The following ZNF385D variants were observed in gnomAD, a reference collection of about 807,000 sequenced individuals.
ZNF385D encodes the protein zinc finger protein 385D.
ZNF385D carries 15 observed loss-of-function variants against 35.8 expected under a neutral mutation model. The ratio of observed to expected loss-of-function variants is 0.42; its 90% CI spans 0.28 to 0.64. ZNF385D has a LOEUF of 0.64. ZNF385D is among the 30% of genes least tolerant of loss of function. The probability of loss-of-function intolerance (pLI) is 0.23; values close to 1 mark genes in which losing one functional copy is unlikely to be tolerated. For missense variants in ZNF385D, 474 were observed against 494.6 expected (o/e 0.96, Z 0.39); for synonymous variants, 212 against 186.8 (o/e 1.13, Z -1.10).
intron 2 of ZNF385D, among the ~76,000 whole-genome samples, chr3:21,598,859 C>A (rs1328653762): frequency 1.3e-5 from 2 of 152,106 alleles, no homozygotes; most frequent in African/African-American, 4.8e-5. Flanking sequence ...TTAAATGATT[C>A]CAGAGAAGTT....
chr3:22,135,458 G>A (rs748191424), intron 3 of ZNF385D, among the ~76,000 whole-genome samples: 24 of 151,972 alleles, frequency 1.6e-4, no homozygotes, highest in Non-Finnish European at 3.5e-4. Context: ...AACACTCCAG[G>A]CACTGTATGT....
At chr3:21,781,541 C>CT (rs1397963205) in intron 3 of ZNF385D, among the ~76,000 whole-genome samples, 1 of 151,934 alleles carries the variant, frequency 6.6e-6, no homozygotes, top group Non-Finnish European at 1.5e-5. Flanking sequence ...TTATGGAAAG[C>CT]TTTTTTGAAT....
At chr3:21,897,758 T>C (rs1031504786) in intron 3 of ZNF385D, among the ~76,000 whole-genome samples, 3 of 152,098 alleles carry the variant, frequency 2.0e-5, no homozygotes, top group African/African-American at 4.8e-5. Context: ...AAACAGAAAT[T>C]TTTGATTTAG....
chr3:21,482,572 T>C lies in ZNF385D; in HGVS notation c.439+28289A>G, dbSNP rs954236176. 4.5e-4 allele frequency among the ~76,000 whole-genome samples: 69 copies of C among 152,202 alleles called. 2 individuals carry two copies. The highest frequency in any genetic ancestry group is 7.3e-5 in the Non-Finnish European group (5 of 68,030). Reference sequence around the variant, plus strand: ...AGAAACCTGGGAGATTACTCCCTCTTAGGCAAAGCTGAACTTTTGCCCTTT... The same window carrying C: ...AGAAACCTGGGAGATTACTCCCTCTCAGGCAAAGCTGAACTTTTGCCCTTT... On this transcript the variant is annotated intron_variant, in intron 4 of 7. Coordinates refer to ENST00000281523, the MANE Select transcript of ZNF385D (RefSeq NM_024697.3).
rs1471269619 is a variant in ZNF385D, at chr3:21,416,059, T to C, written c.*5155A>G. Reference sequence around the variant, plus strand: ...TTTTTTTTGAGACGGAGTCTCGCTCTGTCGCCCAGGTCGGACTGCGGACTG... The same window carrying C: ...TTTTTTTTGAGACGGAGTCTCGCTCCGTCGCCCAGGTCGGACTGCGGACTG... On this transcript the variant is annotated 3_prime_UTR_variant, in exon 8 of 8. Transcript: ENST00000281523. 7.5e-4 allele frequency: 4 copies of C among 5,368 alleles called. 1 individual carries two copies. Among genetic ancestry groups the C allele is most frequent in the Admixed American group, 4.4e-3 (4 of 902 alleles). 0.3% of individuals were successfully genotyped at this position (5,368 alleles called of 1,614,324 possible).
chr3:21,479,036 T>C (rs1426218019), intron 4 of ZNF385D, among the ~76,000 whole-genome samples: 1 of 119,054 alleles, frequency 8.4e-6, no homozygotes, highest in Non-Finnish European at 1.8e-5. Context: ...CATATATTTC[T>C]TGTAAATATT....
chr3:22,151,029 A>G (rs1459610603), intron 3 of ZNF385D, among the ~76,000 whole-genome samples: 1 of 152,214 alleles, frequency 6.6e-6, no homozygotes, highest in Non-Finnish European at 1.5e-5. Context: ...ATTACGAAAT[A>G]AAATAAAATC....
intron 3 of ZNF385D, among the ~76,000 whole-genome samples, chr3:22,162,743 A>G (rs1443324493): frequency 6.6e-6 from 1 of 152,194 alleles, no homozygotes; most frequent in African/African-American, 2.4e-5. Context: ...AGGCTTATGC[A>G]TGTTAATACA....
At chr3:21,935,454 G>A (rs536580001) in intron 3 of ZNF385D, among the ~76,000 whole-genome samples, 2 of 152,178 alleles carry the variant, frequency 1.3e-5, no homozygotes, top group African/African-American at 4.8e-5. Context: ...AATTCACTGA[G>A]AACACAAACT....
intron 2 of ZNF385D, among the ~76,000 whole-genome samples, chr3:21,619,015 T>A (rs1463523044): frequency 6.6e-6 from 1 of 152,106 alleles, no homozygotes; most frequent in Non-Finnish European, 1.5e-5. Context: ...GGAGTGAACT[T>A]CTCACATCAG....
chr3:22,230,927 G>T (rs1221540671), intron 2 of ZNF385D, among the ~76,000 whole-genome samples: 1 of 152,060 alleles, frequency 6.6e-6, no homozygotes, highest in East Asian at 1.9e-4. Flanking sequence ...CAGTTTCAGG[G>T]TCATTTAGCT....
At chr3:21,931,865 A>C (rs2125248478) in intron 3 of ZNF385D, among the ~76,000 whole-genome samples, 1 of 152,246 alleles carries the variant, frequency 6.6e-6, no homozygotes, top group Non-Finnish European at 1.5e-5. Flanking sequence ...AATGGTGTTA[A>C]GAAGTGTGAC....
intron 2 of ZNF385D, among the ~76,000 whole-genome samples, chr3:22,363,407 C>T (rs970474617): frequency 1.3e-5 from 2 of 152,134 alleles, no homozygotes; most frequent in Non-Finnish European, 2.9e-5. Flanking sequence ...GCCCCCTCAT[C>T]ATTCTAGAAA....
chr3:21,690,898 C>T (rs923129314), intron 1 of ZNF385D, among the ~76,000 whole-genome samples: 9 of 152,166 alleles, frequency 5.9e-5, no homozygotes, highest in Non-Finnish European at 1.0e-4. Flanking sequence ...ACCCTGTGCA[C>T]CTACGTGATC....
At chr3:22,133,951 A>G (rs373738771) in intron 3 of ZNF385D, 1 of 152,264 alleles carries the variant, frequency 6.6e-6, no homozygotes, top group East Asian at 1.9e-4. Flanking sequence ...GAACAGCTCC[A>G]TGAGTGGTCC....
chr3:21,922,993 A>G (rs1444705910), intron 3 of ZNF385D, among the ~76,000 whole-genome samples: 1 of 152,144 alleles, frequency 6.6e-6, no homozygotes, highest in Non-Finnish European at 1.5e-5. Flanking sequence ...TACACTTCTC[A>G]AAAGAGGACA....
chr3:22,162,135 G>A (rs1008093265), intron 3 of ZNF385D, among the ~76,000 whole-genome samples: 8 of 152,070 alleles, frequency 5.3e-5, no homozygotes, highest in Admixed American at 2.6e-4. Flanking sequence ...GGTATCAAAT[G>A]GAAAATAAGA....
chr3:22,065,934 G>C (rs1332994621), intron 3 of ZNF385D, among the ~76,000 whole-genome samples: 8 of 152,172 alleles, frequency 5.3e-5, no homozygotes, highest in African/African-American at 9.7e-5. Flanking sequence ...GCCAGGTGGA[G>C]TGAGGAGAAC....
chr3:22,258,282 G>A (rs1700418559), intron 2 of ZNF385D, among the ~76,000 whole-genome samples: 1 of 151,682 alleles, frequency 6.6e-6, no homozygotes, highest in South Asian at 2.1e-4. Flanking sequence ...AAGAGAGGAA[G>A]ACATAAAATT....
Sources: allele counts gnomAD v4.1 joint callset (sites outside exome capture counted in the v4.1 genomes callset), GRCh38; gene constraint gnomAD v4.1.1; transcripts MANE v1.5; gene names NCBI Gene and HGNC (gene_info 2026-07-23, HGNC 2026-07-21).